The following CHRNB3 variants were observed in gnomAD, a reference collection of about 807,000 sequenced individuals.
CHRNB3 encodes the protein cholinergic receptor nicotinic beta 3 subunit.
In CHRNB3, 37 loss-of-function variants were observed where a neutral mutation model predicts 40.6. The ratio of observed to expected loss-of-function variants is 0.91; its 90% CI spans 0.70 to 1.20. The LOEUF is 1.20. CHRNB3 is among the 50% of genes most tolerant of loss of function. The pLI is 0.00. For synonymous variants in CHRNB3, 207 were observed against 207.1 expected (o/e 1.00, Z 0.00); for missense variants, 505 against 551.2 (o/e 0.92, Z 0.84).
At chr8:42,721,806 T>A (rs1816222406) in intron 3 of CHRNB3, 1 of 152,180 alleles carries the variant, frequency 6.6e-6, no homozygotes, top group African/African-American at 2.4e-5. Flanking sequence ...TCCCACCTCT[T>A]TTCCAGTGGT....
At chr8:42,725,111 CAG>C (rs1816285670) in intron 3 of CHRNB3, among the ~76,000 whole-genome samples, 1 of 125,530 alleles carries the variant, frequency 8.0e-6, no homozygotes, top group Non-Finnish European at 1.6e-5. Context: ...TTTTTTGAGA[CAG>C]AGTTTTGCTC....
intron 5 of CHRNB3, among the ~76,000 whole-genome samples, 184 bp from the exon 6 acceptor site, chr8:42,736,300 T>C (rs546960065): frequency 1.3e-5 from 2 of 152,376 alleles, no homozygotes; most frequent in African/African-American, 4.8e-5. Flanking sequence ...GCTGCTTCTT[T>C]TGGGCACAAT....
At chr8:42,734,781 T>C (rs1040795274) in intron 5 of CHRNB3, among the ~76,000 whole-genome samples, 4 of 152,098 alleles carry the variant, frequency 2.6e-5, no homozygotes, top group Admixed American at 6.6e-5. Context: ...CTGCCTCATA[T>C]GTCCTCTCTC....
At chr8:42,711,787 C>T (rs1479185323) in intron 3 of CHRNB3, among the ~76,000 whole-genome samples, 1 of 152,070 alleles carries the variant, frequency 6.6e-6, no homozygotes, top group Non-Finnish European at 1.5e-5. Flanking sequence ...GAACCCATCA[C>T]CCAAATAGTG....
intron 3 of CHRNB3, among the ~76,000 whole-genome samples, chr8:42,723,711 T>C (rs1023254001): frequency 6.6e-6 from 1 of 152,192 alleles, no homozygotes; most frequent in African/African-American, 2.4e-5. Flanking sequence ...TTTCCCTCAC[T>C]GACTAGCTGT....
At chr8:42,725,404 C>T (rs1816292162) in intron 3 of CHRNB3, 1 of 531,168 alleles carries the variant, frequency 1.9e-6, no homozygotes, top group African/African-American at 1.9e-5. Flanking sequence ...ACTGTCTTTT[C>T]TTTGACCCTT....
At position 42,708,873 on chromosome 8, in the gene CHRNB3, G is replaced by A; in HGVS notation, c.204+5G>A. 1 of 1,610,036 alleles carries A rather than the reference G, an allele frequency of 6.2e-7. No individual in the cohort carries two copies. Among genetic ancestry groups the A allele is most frequent in the Admixed American group, 1.7e-5 (1 of 59,566 alleles). ...ATATCCCAGCTTGTAGATGTGGTGA[G>A]TAATCCTTGGCACTTGGCTAAAAAG... On this transcript the variant is annotated splice_donor_5th_base_variant and intron_variant, in intron 2 of 5. Coordinates refer to ENST00000289957, the MANE Select transcript of CHRNB3 (RefSeq NM_000749.5).
intron 3 of CHRNB3, among the ~76,000 whole-genome samples, chr8:42,718,332 A>G (rs757970662): frequency 3.9e-5 from 6 of 152,092 alleles, no homozygotes; most frequent in Non-Finnish European, 8.8e-5. Context: ...AGCAAAGGAT[A>G]TTTGTTCCTT....
At chr8:42,717,475 G>A (rs923108823) in intron 3 of CHRNB3, among the ~76,000 whole-genome samples, 74 of 145,130 alleles carry the variant, frequency 5.1e-4, no homozygotes, top group African/African-American at 1.7e-3. Flanking sequence ...TCTACCATCC[G>A]CAACCTGGAA....
rs769237605 is a variant in CHRNB3 at position 42,736,665 on chromosome 8, G to A, written c.*47G>A. Reference sequence around the variant, plus strand: ...AAATTACACCTTAGACCTGACATCTGGCTATCACACAGACAGAATCCAAAT... The same window carrying A: ...AAATTACACCTTAGACCTGACATCTAGCTATCACACAGACAGAATCCAAAT... On this transcript the variant is annotated 3_prime_UTR_variant, in exon 6 of 6. Coordinates refer to ENST00000289957, the MANE Select transcript of CHRNB3 (RefSeq NM_000749.5). The A allele has an allele frequency of 1.9e-6, 3 of 1,608,150 alleles. No homozygotes were observed. The highest frequency in any genetic ancestry group is 2.7e-5 in the African/African-American group (2 of 74,752).
At chr8:42,718,141 T>C (rs891984779) in intron 3 of CHRNB3, among the ~76,000 whole-genome samples, 2 of 152,072 alleles carry the variant, frequency 1.3e-5, no homozygotes, top group Non-Finnish European at 2.9e-5. Context: ...TCATCCTTAA[T>C]AACAAATGAC....
Position 42,736,671 on chromosome 8 carries a change from C to G in CHRNB3, c.*53C>G. On this transcript the variant is annotated 3_prime_UTR_variant, in exon 6 of 6. Transcript: ENST00000289957. ...CACCTTAGACCTGACATCTGGCTAT[C>G]ACACAGACAGAATCCAAATGCATGT... 1 of 1,599,966 alleles carries G rather than the reference C, an allele frequency of 6.3e-7. No homozygotes were observed. The highest frequency in any genetic ancestry group is 8.6e-7 in the Non-Finnish European group (1 of 1,168,800).
intron 3 of CHRNB3, among the ~76,000 whole-genome samples, chr8:42,729,266 C>T (rs138359330): frequency 4.6e-5 from 7 of 151,950 alleles, no homozygotes; most frequent in South Asian, 2.1e-4. Flanking sequence ...AAAAATTAGC[C>T]GGGCGTGGTG....
intron 5 of CHRNB3, among the ~76,000 whole-genome samples, chr8:42,735,374 C>A (rs1816505557): frequency 6.6e-6 from 1 of 151,706 alleles, no homozygotes; most frequent in South Asian, 2.1e-4. Flanking sequence ...CCTGTCTCTA[C>A]TAAAAATACA....
intron 1 of CHRNB3, among the ~76,000 whole-genome samples, chr8:42,705,022 G>A (rs969954132): frequency 2.0e-5 from 3 of 152,172 alleles, no homozygotes; most frequent in African/African-American, 7.2e-5. Context: ...GCCCTCCTAT[G>A]TGTGTAGCTT....
intron 5 of CHRNB3, among the ~76,000 whole-genome samples, chr8:42,732,912 A>G (rs1229515365): frequency 6.6e-6 from 1 of 152,206 alleles, no homozygotes; most frequent in Non-Finnish European, 1.5e-5. Flanking sequence ...AATATGTTCA[A>G]CCACAGTATT....
At chr8:42,730,093 T>C (rs1438812788) in intron 3 of CHRNB3, among the ~76,000 whole-genome samples, 1 of 152,214 alleles carries the variant, frequency 6.6e-6, no homozygotes, top group East Asian at 1.9e-4. Flanking sequence ...CAAGTTCTAA[T>C]GTGATCAAGA....
At chr8:42,722,832 T>TGCA (rs1325636040) in intron 3 of CHRNB3, among the ~76,000 whole-genome samples, 1 of 152,130 alleles carries the variant, frequency 6.6e-6, no homozygotes, top group African/African-American at 2.4e-5. Flanking sequence ...CCTTCCAGAG[T>TGCA]GCAGGGGGTT....
intron 3 of CHRNB3, 50 bp from the exon 4 acceptor site, chr8:42,730,544 T>A (rs1816388300): frequency 8.8e-7 from 1 of 1,132,286 alleles, no homozygotes; most frequent in Non-Finnish European, 1.3e-6. Flanking sequence ...TTTCAAGATC[T>A]AATACATTGA....
Sources: gnomAD v4.1 joint callset for allele counts (sites outside exome capture counted in the v4.1 genomes callset) on GRCh38, gnomAD v4.1.1 for gene constraint, MANE v1.5 for transcripts, NCBI Gene and HGNC (gene_info 2026-07-23, HGNC 2026-07-21) for gene names.